Variants in TNFSF4 observed in about 807,000 individuals in gnomAD.
The protein encoded by TNFSF4 is tumor necrosis factor ligand superfamily member 4.
In TNFSF4, 4 loss-of-function variants were observed where a neutral mutation model predicts 7.3. The ratio of observed to expected loss-of-function variants is 0.55; its 90% confidence interval spans 0.27 to 1.25. The LOEUF (loss-of-function observed/expected upper bound fraction) is 1.25, where lower values mean the gene tolerates loss of function less well. TNFSF4 is among the 50% of genes most tolerant of loss of function. The probability of loss-of-function intolerance (pLI) is 0.12; values close to 1 mark genes in which losing one functional copy is unlikely to be tolerated. For synonymous variants in TNFSF4, 76 were observed against 83.7 expected, an observed-to-expected ratio of 0.91 and a Z score of 0.50; for missense variants, 181 against 208.8, an observed-to-expected ratio of 0.87 and a Z score of 0.82.
chr1:173,220,565 C>T, the TNFSF4 span, among the ~76,000 whole-genome samples: 2 of 151,996 alleles, frequency 1.3e-5, no homozygotes, highest in African/African-American at 4.8e-5. Flanking sequence ...CCTTAATCCC[C>T]AATGTGATGG....
At chr1:173,341,690 G>GT in the TNFSF4 span, among the ~76,000 whole-genome samples, 1 of 152,184 alleles carries the variant, frequency 6.6e-6, no homozygotes, top group African/African-American at 2.4e-5. Flanking sequence ...TATAAGTAAC[G>GT]TATGTTAGTG....
chr1:173,187,797 A>G (rs866130354), intron 2 of TNFSF4, among the ~76,000 whole-genome samples: 7 of 152,200 alleles, frequency 4.6e-5, no homozygotes, highest in Non-Finnish European at 1.0e-4. Flanking sequence ...TAGCATTAAA[A>G]TCATCCTGAA....
At chr1:173,296,754 A>T in the TNFSF4 span, among the ~76,000 whole-genome samples, 1 of 151,948 alleles carries the variant, frequency 6.6e-6, no homozygotes, top group Non-Finnish European at 1.5e-5. Flanking sequence ...TTTTCTTCTG[A>T]TCACCTTTAG....
the TNFSF4 span, among the ~76,000 whole-genome samples, chr1:173,318,716 G>T: frequency 3.9e-5 from 6 of 152,276 alleles, no homozygotes; most frequent in South Asian, 8.3e-4. Flanking sequence ...AAAGCAATTT[G>T]GCTATATGTA....
chr1:173,175,709 T>C, the TNFSF4 span, among the ~76,000 whole-genome samples: 7 of 152,298 alleles, frequency 4.6e-5, no homozygotes, highest in African/African-American at 1.7e-4. Context: ...TTATTTAACA[T>C]TATGGGAAAA....
the TNFSF4 span, among the ~76,000 whole-genome samples, chr1:173,444,038 G>C: frequency 2.6e-5 from 4 of 152,108 alleles, no homozygotes; most frequent in Non-Finnish European, 5.9e-5. Context: ...AGAAGAAAAG[G>C]GACAGGAAGA....
At chr1:173,427,419 C>T in the TNFSF4 span, among the ~76,000 whole-genome samples, 5 of 152,088 alleles carry the variant, frequency 3.3e-5, no homozygotes, top group African/African-American at 9.7e-5. Flanking sequence ...AGCCCGCCCC[C>T]CCACTGACCC....
At chr1:173,319,083 A>G in the TNFSF4 span, among the ~76,000 whole-genome samples, 2 of 152,224 alleles carry the variant, frequency 1.3e-5, no homozygotes, top group Non-Finnish European at 2.9e-5. Context: ...CAGCAAGCTA[A>G]GAACCACTGG....
chr1:173,233,711 T>A, the TNFSF4 span, among the ~76,000 whole-genome samples: 2 of 152,182 alleles, frequency 1.3e-5, no homozygotes, highest in Non-Finnish European at 2.9e-5. Flanking sequence ...TGAATTAAAA[T>A]CAATGAAAAA....
the TNFSF4 span, among the ~76,000 whole-genome samples, chr1:173,221,084 G>T: frequency 2.0e-5 from 3 of 152,114 alleles, no homozygotes; most frequent in African/African-American, 7.2e-5. Flanking sequence ...TAGGCAGTAG[G>T]GCTGGTATTG....
chr1:173,436,471 A>G, the TNFSF4 span, among the ~76,000 whole-genome samples: 2 of 152,182 alleles, frequency 1.3e-5, no homozygotes, highest in Admixed American at 6.5e-5. Flanking sequence ...GTGCAGTGGC[A>G]TGATCTTGGC....
chr1:173,225,102 T>A, the TNFSF4 span, among the ~76,000 whole-genome samples: 1 of 152,196 alleles, frequency 6.6e-6, no homozygotes, highest in Admixed American at 6.5e-5. Flanking sequence ...TGTCTCATAC[T>A]CCCCTTGTTA....
chr1:173,288,648 A>G, the TNFSF4 span, among the ~76,000 whole-genome samples: 5 of 152,302 alleles, frequency 3.3e-5, no homozygotes, highest in South Asian at 1.0e-3. Context: ...ATATTAGAAC[A>G]CATTCACAGA....
chr1:173,280,299 A>G, the TNFSF4 span, among the ~76,000 whole-genome samples: 1 of 152,054 alleles, frequency 6.6e-6, no homozygotes, highest in Non-Finnish European at 1.5e-5. Flanking sequence ...AATTACACCA[A>G]TCGTGGTTGA....
At chr1:173,228,759 T>C in the TNFSF4 span, among the ~76,000 whole-genome samples, 2 of 152,246 alleles carry the variant, frequency 1.3e-5, no homozygotes, top group African/African-American at 2.4e-5. Context: ...CTAAAAACCA[T>C]GGCAAAGAAA....
the TNFSF4 span, among the ~76,000 whole-genome samples, chr1:173,403,273 T>C: frequency 2.4e-4 from 36 of 152,198 alleles, no homozygotes; most frequent in Non-Finnish European, 5.0e-4. Flanking sequence ...TGGCATCATC[T>C]GGCCATTTTT....
the TNFSF4 span, among the ~76,000 whole-genome samples, chr1:173,250,125 A>G: frequency 7.9e-5 from 12 of 152,248 alleles, no homozygotes; most frequent in Non-Finnish European, 1.8e-4. Flanking sequence ...CTGAGAAGCC[A>G]TTCGATAGCT....
At chr1:173,244,511 G>T in the TNFSF4 span, among the ~76,000 whole-genome samples, 2 of 150,080 alleles carry the variant, frequency 1.3e-5, no homozygotes, top group Non-Finnish European at 1.5e-5. Flanking sequence ...GCGTAGTGGC[G>T]GGCGCCTGTA....
At chr1:173,426,021 T>G in the TNFSF4 span, among the ~76,000 whole-genome samples, 2 of 152,244 alleles carry the variant, frequency 1.3e-5, no homozygotes, top group African/African-American at 4.8e-5. Flanking sequence ...ACTTATCAAG[T>G]GCATGGAGCA....
Sources: gnomAD v4.1 joint callset for allele counts (sites outside exome capture counted in the v4.1 genomes callset) on GRCh38, gnomAD v4.1.1 for gene constraint, MANE v1.5 for transcripts, NCBI Gene and HGNC (gene_info 2026-07-23, HGNC 2026-07-21) for gene names.